BMPR1A: variants seen among roughly 807,000 people sequenced by gnomAD.
The protein encoded by BMPR1A is bone morphogenetic protein receptor type 1A.
BMPR1A carries 7 observed loss-of-function variants against 66.0 expected under a neutral mutation model. The observed-to-expected ratio is 0.11, with a 90% CI of 0.06 to 0.20. BMPR1A has a LOEUF of 0.20. BMPR1A is among the 10% of genes least tolerant of loss of function. The probability of loss-of-function intolerance (pLI) is 1.00; values close to 1 mark genes in which losing one functional copy is unlikely to be tolerated. For missense variants in BMPR1A, 408 were observed against 669.1 expected (o/e 0.61, Z 4.31); for synonymous variants, 200 against 229.7 (o/e 0.87, Z 1.17).
At chr10:86,823,780 C>T (rs1413061850) in intron 1 of BMPR1A, among the ~76,000 whole-genome samples, 1 of 152,178 alleles carries the variant, frequency 6.6e-6, no homozygotes, top group Non-Finnish European at 1.5e-5. Context: ...CCCTGACCCT[C>T]CCTGTGGAAT....
At chr10:86,819,594 C>T (rs1178676131) in intron 1 of BMPR1A, among the ~76,000 whole-genome samples, 5 of 152,172 alleles carry the variant, frequency 3.3e-5, no homozygotes, top group Admixed American at 6.5e-5. Flanking sequence ...CCACCGTGCC[C>T]GGCCACAACT....
At chr10:86,913,676 A>G (rs1487024256) in intron 8 of BMPR1A, among the ~76,000 whole-genome samples, 1 of 152,224 alleles carries the variant, frequency 6.6e-6, no homozygotes, top group African/African-American at 2.4e-5. Context: ...AGTATTTAAA[A>G]TAGCATCAAA....
intron 1 of BMPR1A, among the ~76,000 whole-genome samples, chr10:86,799,509 T>C (rs769824445): frequency 0.13 from 7,446 of 58,250 alleles, 321 homozygotes; most frequent in Non-Finnish European, 0.14. Flanking sequence ...TTCCTTCCTT[T>C]CTTTTCTTTT....
intron 1 of BMPR1A, among the ~76,000 whole-genome samples, chr10:86,795,934 A>AG (rs1218775925): frequency 6.6e-6 from 1 of 152,130 alleles, no homozygotes. Flanking sequence ...TTATATTTTG[A>AG]GGGGAAAAAA....
chr10:86,782,606 A>G (rs1330507071), intron 1 of BMPR1A, among the ~76,000 whole-genome samples: 2 of 151,830 alleles, frequency 1.3e-5, no homozygotes, highest in Non-Finnish European at 2.9e-5. Context: ...AGTGATGTTG[A>G]GTAGCTTTTC....
intron 1 of BMPR1A, among the ~76,000 whole-genome samples, chr10:86,779,588 A>G (rs1174325492): frequency 6.6e-6 from 1 of 152,036 alleles, no homozygotes; most frequent in Non-Finnish European, 1.5e-5. Flanking sequence ...TTCCCTGATG[A>G]TTAGTGCTGT....
At position 86,804,667 on chromosome 10, in the gene BMPR1A, AGTCTTTATTTT is replaced by A. The variant is rs1411270602; in HGVS notation, c.-267-34195_-267-34185del. On this transcript the variant is annotated intron_variant, in intron 1 of 12. Transcript: ENST00000372037. ...AAGGTTGGTGTTTGATGATTTCCTC[AGTCTTTATTTT>A]GTGACCACCAGTGAATAACCCAAGT... Among the ~76,000 whole-genome samples the A allele has an allele frequency of 4.1e-4, 62 of 152,096 alleles. No individual in the cohort carries two copies. In the Middle Eastern group the frequency reaches 0.01, roughly 25 times the overall value.
In BMPR1A at chr10:86,919,161, C is replaced by T; in HGVS notation, c.869-11C>T. 3 of 1,613,882 alleles carry T rather than the reference C, an allele frequency of 1.9e-6. No individual in the cohort carries two copies. In the African/African-American group the frequency reaches 4.0e-5, roughly 22 times the overall value. On this transcript the variant is annotated splice_polypyrimidine_tract_variant and intron_variant, in intron 9 of 12. Coordinates refer to ENST00000372037, the MANE Select transcript of BMPR1A (RefSeq NM_004329.3). ...ATGATAACTAACCTTTTAAACTCATCAACTGGACAGGTTTCATAGCGGCAG... is the reference window on the plus strand; with the variant it reads ...ATGATAACTAACCTTTTAAACTCATTAACTGGACAGGTTTCATAGCGGCAG...
At position 86,924,456 on chromosome 10, in the gene BMPR1A, C is replaced by A. The variant is rs546195510; in HGVS notation, c.*737C>A. On this transcript the variant is annotated 3_prime_UTR_variant, in exon 13 of 13. Coordinates refer to ENST00000372037, the MANE Select transcript of BMPR1A (RefSeq NM_004329.3). Reference sequence around the variant, plus strand: ...TTATTTTTTAACATGAAAGCTGATGCCAAGGCCAAAAGAAGTTTAAAGCAT... The same window carrying A: ...TTATTTTTTAACATGAAAGCTGATGACAAGGCCAAAAGAAGTTTAAAGCAT... The A allele has an allele frequency of 1.3e-5, 3 of 233,726 alleles. No individual in the cohort carries two copies. In the South Asian group the frequency reaches 5.4e-4, roughly 42 times the overall value. 14.5% of individuals were successfully genotyped at this position (233,726 alleles called of 1,614,324 possible).
intron 3 of BMPR1A, among the ~76,000 whole-genome samples, chr10:86,882,201 G>A (rs1184948620): frequency 2.0e-5 from 3 of 152,098 alleles, no homozygotes; most frequent in Non-Finnish European, 2.9e-5. Context: ...TTCTGGCCAG[G>A]TGCAGTGGCT....
intron 4 of BMPR1A, 109 bp downstream of exon 4, chr10:86,890,333 G>T: frequency 7.3e-7 from 1 of 1,371,224 alleles, no homozygotes; most frequent in Non-Finnish European, 1.0e-6. Flanking sequence ...TTCATATATA[G>T]TATCTTTCCA....
chr10:86,921,470 C>A lies in BMPR1A; in HGVS notation c.1167-50C>A, dbSNP rs191179036. The A allele has an allele frequency of 2.2e-5, 35 of 1,605,486 alleles. No individual in the cohort carries two copies. In the Admixed American group the frequency reaches 5.8e-4, roughly 27 times the overall value. On this transcript the variant is annotated intron_variant, in intron 10 of 12. Coordinates refer to ENST00000372037, the MANE Select transcript of BMPR1A (RefSeq NM_004329.3). The stretch of plus-strand genomic sequence containing the variant: ...AAATAGGACAAAAATACAAGATAAA[C>A]TATTTTATTTTTGGCCCTCAACTTG...
intron 1 of BMPR1A, among the ~76,000 whole-genome samples, chr10:86,760,285 G>A (rs1423088986): frequency 2.7e-5 from 3 of 110,258 alleles, no homozygotes; most frequent in South Asian, 3.2e-4. Flanking sequence ...ACAGAGTCTC[G>A]CACTGTCGCC....
At chr10:86,923,280 C>T (rs770179966) in intron 11 of BMPR1A, 96 bp from the exon 12 acceptor site, 21 of 1,521,226 alleles carry the variant, frequency 1.4e-5, no homozygotes, top group African/African-American at 8.3e-5. Flanking sequence ...TGTAAGAATC[C>T]GTTTTAGTTC....
At chr10:86,768,146 T>C (rs1841197693) in intron 1 of BMPR1A, among the ~76,000 whole-genome samples, 1 of 152,228 alleles carries the variant, frequency 6.6e-6, no homozygotes, top group Non-Finnish European at 1.5e-5. Flanking sequence ...CCTCAATTAC[T>C]GAACCTAAGA....
intron 1 of BMPR1A, among the ~76,000 whole-genome samples, chr10:86,795,114 G>T (rs530350185): frequency 3.9e-5 from 6 of 151,986 alleles, no homozygotes; most frequent in African/African-American, 1.4e-4. Flanking sequence ...GCCTCCCAAA[G>T]TGCTGGGATT....
chr10:86,798,983 CTGG>C, intron 1 of BMPR1A, among the ~76,000 whole-genome samples: 1 of 152,092 alleles, frequency 6.6e-6, no homozygotes, highest in Admixed American at 6.6e-5. Context: ...TTTAGAGATT[CTGG>C]AAAGGAACAT....
chr10:86,789,001 C>G (rs1354697096), intron 1 of BMPR1A, among the ~76,000 whole-genome samples: 1 of 152,120 alleles, frequency 6.6e-6, no homozygotes, highest in Non-Finnish European at 1.5e-5. Context: ...GATGCACTTG[C>G]CTTGTAGTGG....
intron 1 of BMPR1A, among the ~76,000 whole-genome samples, chr10:86,833,930 C>T (rs1842306948): frequency 6.6e-6 from 1 of 152,190 alleles, no homozygotes; most frequent in Admixed American, 6.5e-5. Context: ...ACAGCATCAC[C>T]AAGGACCCAG....
Sources: gnomAD v4.1 joint callset for allele counts (sites outside exome capture counted in the v4.1 genomes callset) on GRCh38, gnomAD v4.1.1 for gene constraint, MANE v1.5 for transcripts, NCBI Gene and HGNC (gene_info 2026-07-23, HGNC 2026-07-21) for gene names.